PKD1L1: variants seen among roughly 807,000 people sequenced by gnomAD.
PKD1L1 encodes polycystin 1 like 1, transient receptor potential channel interacting.
Under a neutral mutation model 323.4 loss-of-function variants are expected in PKD1L1, and 236 were observed. The observed-to-expected ratio is 0.73, with a 90% CI of 0.66 to 0.81. The LOEUF is 0.81. Among genes scored for constraint, PKD1L1 ranks in the 40% least tolerant of loss-of-function variants. PKD1L1 has a pLI of 0.00. For synonymous variants in PKD1L1, 1,344 were observed against 1,335.0 expected (o/e 1.01, Z -0.15); for missense variants, 3,320 against 3,508.0 (o/e 0.95, Z 1.35).
At chr7:47,829,895 G>GCCTGC in intron 43 of PKD1L1, 145 bp downstream of exon 43, 1 of 838,906 alleles carries the variant, frequency 1.2e-6, no homozygotes, top group Non-Finnish European at 2.0e-6. Context: ...TTAGCACAGA[G>GCCTGC]CCTGGCTCCT....
At chr7:47,941,397 C>T (rs1787983323) in intron 2 of PKD1L1, among the ~76,000 whole-genome samples, 1 of 152,222 alleles carries the variant, frequency 6.6e-6, no homozygotes. Context: ...GCTTCCAATC[C>T]CTGCACCCCA....
At chr7:47,908,338 A>C in intron 8 of PKD1L1, 88 bp from the exon 9 acceptor site, 1 of 1,252,146 alleles carries the variant, frequency 8.0e-7, no homozygotes, top group East Asian at 2.4e-5. Context: ...AAATGGGGTG[A>C]TTAATATGGG....
chr7:47,931,048 G>T, intron 6 of PKD1L1, 56 bp downstream of exon 6: 4 of 1,544,256 alleles, frequency 2.6e-6, no homozygotes, highest in East Asian at 2.3e-5. Context: ...GGCATGGATG[G>T]TTCCAGACTG....
At chr7:47,893,853 A>G (rs779349623) in intron 15 of PKD1L1, 25 bp downstream of exon 15, 80 of 1,608,120 alleles carry the variant, frequency 5.0e-5, no homozygotes, top group Admixed American at 1.9e-4. Flanking sequence ...GTAGCTGCGC[A>G]GCTCTGTGTG....
chr7:47,848,535 C>T (rs747165344), intron 31 of PKD1L1, among the ~76,000 whole-genome samples: 8 of 152,164 alleles, frequency 5.3e-5, no homozygotes, highest in Non-Finnish European at 7.3e-5. Flanking sequence ...CGAGGCTGGG[C>T]GCAGTGGCTC....
chr7:47,775,956 C>T (rs944802325), intron 56 of PKD1L1, among the ~76,000 whole-genome samples: 4 of 151,928 alleles, frequency 2.6e-5, no homozygotes, highest in African/African-American at 9.7e-5. Flanking sequence ...ACAACAACAA[C>T]AAAGACACAA....
chr7:47,779,717 C>T (rs1200188657), intron 56 of PKD1L1, among the ~76,000 whole-genome samples: 1 of 152,120 alleles, frequency 6.6e-6, no homozygotes, highest in Non-Finnish European at 1.5e-5. Flanking sequence ...ACATATGGTG[C>T]GGGGCCCACA....
intron 8 of PKD1L1, among the ~76,000 whole-genome samples, chr7:47,911,938 AAAAG>A (rs1258516576): frequency 2.6e-5 from 4 of 152,008 alleles, no homozygotes; most frequent in Non-Finnish European, 5.9e-5. Flanking sequence ...GAAAAAAAAA[AAAAG>A]AAAGGAAGGA....
chr7:47,851,914 AC>A (rs1785790575), intron 31 of PKD1L1, among the ~76,000 whole-genome samples: 1 of 152,210 alleles, frequency 6.6e-6, no homozygotes, highest in Non-Finnish European at 1.5e-5. Flanking sequence ...GCATTCATGA[AC>A]TTTGACCTAC....
chr7:47,832,957 C>T, intron 41 of PKD1L1, 133 bp downstream of exon 41: 2 of 1,246,934 alleles, frequency 1.6e-6, no homozygotes, highest in Non-Finnish European at 2.2e-6. Context: ...TGGGCCCATG[C>T]CTGGTTTTTA....
rs1439678084 is a variant in PKD1L1, at chr7:47,809,703, C to T, written c.7582-126G>A. On this transcript the variant is annotated intron_variant, in intron 50 of 56. Coordinates refer to ENST00000289672, the MANE Select transcript of PKD1L1 (RefSeq NM_138295.5). ...AGTAGCTAGGATGCAAGCCCATTTC[C>T]TGTTCTGCAGAGGTTTAATCCTAAA... 1.7e-5 allele frequency: 11 copies of T among 654,376 alleles called. No homozygotes were observed. In the East Asian group the frequency reaches 2.7e-4, roughly 16 times the overall value. 40.5% of individuals were successfully genotyped at this position (654,376 alleles called of 1,614,324 possible).
chr7:47,893,760 A>G, intron 15 of PKD1L1, 118 bp downstream of exon 15: 1 of 1,069,440 alleles, frequency 9.4e-7, no homozygotes, highest in Non-Finnish European at 1.3e-6. Context: ...GTTAAACTTA[A>G]CGAAAGTTGA....
chr7:47,890,722 G>A lies in PKD1L1; in HGVS notation c.2495C>T (p.Pro832Leu). 6.2e-7 allele frequency: 1 copy of A among 1,613,126 alleles called. No homozygotes were observed. Among genetic ancestry groups the A allele is most frequent in the Non-Finnish European group, 8.5e-7 (1 of 1,180,028 alleles). The stretch of plus-strand genomic sequence containing the variant: ...GTGTGCAGTGGAGGAGTCGAAGCAG[G>A]GATGTGCTGGGGAGCCAGCGGTGGC... ...ECATAGSPAH[P>L]CFDSSTAHQL... is the part of the protein sequence containing the mutation. The change falls in exon 16 of 57, where the codon CCC becomes CTC. Residue 832 changes from proline (P) to leucine (L), a missense_variant. Coordinates refer to ENST00000289672, the MANE Select transcript of PKD1L1 (RefSeq NM_138295.5).
intron 17 of PKD1L1, among the ~76,000 whole-genome samples, chr7:47,887,201 T>C (rs1786704432): frequency 6.6e-6 from 1 of 152,252 alleles, no homozygotes; most frequent in South Asian, 2.1e-4. Context: ...TGAGGCCAGC[T>C]GTACCCAAAG....
intron 54 of PKD1L1, 53 bp from the exon 55 acceptor site, chr7:47,796,203 G>C (rs933660450): frequency 1.3e-5 from 19 of 1,435,948 alleles, no homozygotes; most frequent in African/African-American, 2.9e-5. Flanking sequence ...CCTAAATAAA[G>C]AGCTTTGTTA....
intron 8 of PKD1L1, among the ~76,000 whole-genome samples, chr7:47,913,020 C>A (rs1045400913): frequency 6.6e-6 from 1 of 151,900 alleles, no homozygotes; most frequent in Non-Finnish European, 1.5e-5. Context: ...CTGCAGTGGG[C>A]CTGAGAGTCT....
chr7:47,784,177 C>T (rs971172870), intron 56 of PKD1L1, among the ~76,000 whole-genome samples: 4 of 152,138 alleles, frequency 2.6e-5, no homozygotes, highest in Non-Finnish European at 4.4e-5. Flanking sequence ...GAAGTCATCC[C>T]GGGAAGACTT....
chr7:47,925,821 G>A (rs562690242), intron 7 of PKD1L1, among the ~76,000 whole-genome samples: 42 of 152,288 alleles, frequency 2.8e-4, no homozygotes, highest in African/African-American at 9.6e-4. Context: ...ACGAAAAGAG[G>A]AGACCCAAAA....
At chr7:47,887,415 G>A (rs781343457) in intron 17 of PKD1L1, among the ~76,000 whole-genome samples, 3 of 152,200 alleles carry the variant, frequency 2.0e-5, no homozygotes, top group Non-Finnish European at 2.9e-5. Flanking sequence ...TCAAACCTTC[G>A]TGTCCTGCAG....
Sources: allele counts gnomAD v4.1 joint callset (sites outside exome capture counted in the v4.1 genomes callset), GRCh38; gene constraint gnomAD v4.1.1; transcripts MANE v1.5; gene names NCBI Gene and HGNC (gene_info 2026-07-23, HGNC 2026-07-21).